The following EGFLAM variants were observed in gnomAD, a reference collection of about 807,000 sequenced individuals.
EGFLAM encodes the protein EGF like, fibronectin type III and laminin G domains.
EGFLAM carries 79 observed loss-of-function variants against 113.1 expected under a neutral mutation model. The ratio of observed to expected loss-of-function variants is 0.70; its 90% CI spans 0.58 to 0.84. EGFLAM has a LOEUF of 0.84. Among genes scored for constraint, EGFLAM ranks in the 40% least tolerant of loss-of-function variants. The pLI, the probability that EGFLAM is intolerant of heterozygous loss-of-function variation, is 0.00. For missense variants in EGFLAM, 1,265 were observed against 1,291.6 expected (o/e 0.98, Z 0.32); for synonymous variants, 504 against 487.6 (o/e 1.03, Z -0.44).
At chr5:38,288,305 A>G (rs1441755481) in intron 1 of EGFLAM, among the ~76,000 whole-genome samples, 15 of 152,350 alleles carry the variant, frequency 9.8e-5, no homozygotes, top group Middle Eastern at 3.4e-3. Flanking sequence ...CAATATAATT[A>G]GTAAAATAGC....
chr5:38,324,180 G>T (rs1738814539), intron 1 of EGFLAM, among the ~76,000 whole-genome samples: 1 of 151,994 alleles, frequency 6.6e-6, no homozygotes, highest in Non-Finnish European at 1.5e-5. Flanking sequence ...GAGATTTAGA[G>T]AATTACTTTG....
chr5:38,260,018 T>C (rs1757459134), intron 1 of EGFLAM, among the ~76,000 whole-genome samples: 1 of 152,248 alleles, frequency 6.6e-6, no homozygotes, highest in Non-Finnish European at 1.5e-5. Context: ...CAGCACTTGT[T>C]ACCTGCCTTG....
chr5:38,442,485 G>A (rs1234044629), intron 17 of EGFLAM, among the ~76,000 whole-genome samples: 1 of 149,160 alleles, frequency 6.7e-6, no homozygotes, highest in Non-Finnish European at 1.5e-5. Context: ...CAAATTAATT[G>A]GAAAAGAGAG....
intron 3 of EGFLAM, among the ~76,000 whole-genome samples, chr5:38,343,069 C>T (rs570868643): frequency 2.6e-5 from 4 of 152,080 alleles, no homozygotes; most frequent in East Asian, 1.9e-4. Flanking sequence ...TGACCAGGGG[C>T]GAAGTCACTG....
intron 3 of EGFLAM, among the ~76,000 whole-genome samples, chr5:38,346,784 G>A (rs948790507): frequency 1.3e-5 from 2 of 152,206 alleles, no homozygotes; most frequent in African/African-American, 2.4e-5. Context: ...AGTGAGAACA[G>A]AGGGTTGGAT....
rs1029521986 is a variant in EGFLAM at position 38,349,781 on chromosome 5, A to G, written c.292-720A>G. Among the ~76,000 whole-genome samples the G allele has an allele frequency of 6.6e-4, 97 of 146,894 alleles. 1 individual carries two copies. The highest frequency in any genetic ancestry group is 1.8e-3 in the East Asian group (8 of 4,372). ...GCAGGGGAAGTACACACGCACACAC[A>G]CACACACACACACACACACACACAC... is the stretch of plus-strand genomic sequence containing the variant. On this transcript the variant is annotated intron_variant, in intron 3 of 21. Coordinates refer to ENST00000322350, the MANE Select transcript of EGFLAM (RefSeq NM_152403.4).
At chr5:38,290,153 A>G (rs1758277994) in intron 1 of EGFLAM, among the ~76,000 whole-genome samples, 1 of 152,136 alleles carries the variant, frequency 6.6e-6, no homozygotes, top group African/African-American at 2.4e-5. Context: ...GTAGAGGGTC[A>G]GTAATGTGAT....
rs150229697 is a variant in EGFLAM at position 38,339,589 on chromosome 5, G to T, written c.291+808G>T. On this transcript the variant is annotated intron_variant, in intron 3 of 21. Coordinates refer to ENST00000322350, the MANE Select transcript of EGFLAM (RefSeq NM_152403.4). ...TGTTACCTGGCAGCCACCACCCTCT[G>T]TTTTACATTTGCTTTGCCACTTAAT... 2.3e-3 allele frequency among the ~76,000 whole-genome samples: 349 copies of T among 152,266 alleles called. 1 individual carries two copies. Among genetic ancestry groups the T allele is most frequent in the African/African-American group, 7.6e-3 (316 of 41,544 alleles).
intron 6 of EGFLAM, among the ~76,000 whole-genome samples, chr5:38,405,792 G>GTGAC (rs1363737298): frequency 6.6e-6 from 1 of 152,122 alleles, no homozygotes; most frequent in Admixed American, 6.5e-5. Context: ...ATTTCACAAA[G>GTGAC]TGACTGGACC....
intron 17 of EGFLAM, among the ~76,000 whole-genome samples, chr5:38,447,354 A>C (rs1742747860): frequency 6.6e-6 from 1 of 152,206 alleles, no homozygotes; most frequent in Non-Finnish European, 1.5e-5. Context: ...GATCTCAGGC[A>C]AATCCTCCAT....
In EGFLAM at chr5:38,303,104, T is replaced by C. The variant is rs139630398; in HGVS notation, c.98-34416T>C. ...TGTAGTAGTTGTGGAAGAGCAGAAATATACCCATTGTCCTTGGGATTTACC... is the reference window on the plus strand; with the variant it reads ...TGTAGTAGTTGTGGAAGAGCAGAAACATACCCATTGTCCTTGGGATTTACC... On this transcript the variant is annotated intron_variant, in intron 1 of 21. Coordinates refer to ENST00000322350, the MANE Select transcript of EGFLAM (RefSeq NM_152403.4). Among the ~76,000 whole-genome samples, 205 of 152,192 alleles carry C rather than the reference T, an allele frequency of 1.3e-3. 5 individuals carry two copies. Among genetic ancestry groups the C allele is most frequent in the Admixed American group, 0.012 (178 of 15,280 alleles).
In EGFLAM at chr5:38,371,883, C is replaced by T. The variant is rs1469485131; in HGVS notation, c.712+1421C>T. ...TAGGGGCCGACAGTACTTTGAAACACTGAGTTCGTCTTTTTGCACTACAAA... is the reference window on the plus strand; with the variant it reads ...TAGGGGCCGACAGTACTTTGAAACATTGAGTTCGTCTTTTTGCACTACAAA... On this transcript the variant is annotated intron_variant, in intron 6 of 21. Transcript: ENST00000322350. Among the ~76,000 whole-genome samples the T allele has an allele frequency of 5.9e-5, 9 of 152,274 alleles. 1 individual carries two copies. In the South Asian group the frequency reaches 1.9e-3, roughly 32 times the overall value.
At chr5:38,269,958 G>A (rs1361242149) in intron 1 of EGFLAM, among the ~76,000 whole-genome samples, 1 of 152,188 alleles carries the variant, frequency 6.6e-6, no homozygotes, top group Admixed American at 6.5e-5. Context: ...ACCCAGCGGT[G>A]TTTCTGCAGC....
intron 5 of EGFLAM, among the ~76,000 whole-genome samples, chr5:38,362,780 C>A (rs1739957565): frequency 6.6e-6 from 1 of 152,156 alleles, no homozygotes; most frequent in Admixed American, 6.5e-5. Context: ...TTTGCTCAGG[C>A]CCTAATGGAA....
At chr5:38,287,226 GT>G (rs1299781598) in intron 1 of EGFLAM, among the ~76,000 whole-genome samples, 1 of 152,132 alleles carries the variant, frequency 6.6e-6, no homozygotes, top group African/African-American at 2.4e-5. Flanking sequence ...CTGAGCTTCA[GT>G]TTTTTTCTTT....
intron 1 of EGFLAM, among the ~76,000 whole-genome samples, chr5:38,266,097 C>T (rs759932705): frequency 2.0e-5 from 3 of 152,208 alleles, no homozygotes; most frequent in Non-Finnish European, 4.4e-5. Context: ...GGAAACCTTG[C>T]AATGGCGTTA....
intron 1 of EGFLAM, 99 bp downstream of exon 1, chr5:38,258,950 C>T: frequency 2.3e-6 from 3 of 1,277,388 alleles, no homozygotes; most frequent in Non-Finnish European, 3.2e-6. Context: ...TCCCTCTCCC[C>T]GACCAACGTC....
chr5:38,293,036 T>C (rs1758372842), intron 1 of EGFLAM, among the ~76,000 whole-genome samples: 1 of 152,234 alleles, frequency 6.6e-6, no homozygotes, highest in Admixed American at 6.5e-5. Flanking sequence ...TTTCTGCCAT[T>C]GAGACTCTGA....
intron 1 of EGFLAM, chr5:38,286,284 G>T (rs1350466284): frequency 1.3e-5 from 2 of 152,188 alleles, no homozygotes; most frequent in East Asian, 1.9e-4. Context: ...TAACAGTCAG[G>T]GTTAGAACCA....
Sources: allele counts gnomAD v4.1 joint callset (sites outside exome capture counted in the v4.1 genomes callset), GRCh38; gene constraint gnomAD v4.1.1; transcripts MANE v1.5; gene names NCBI Gene and HGNC (gene_info 2026-07-23, HGNC 2026-07-21).